The following MUC12 variants were observed in gnomAD, a reference collection of about 807,000 sequenced individuals.
The protein encoded by MUC12 is mucin-12.
Under a neutral mutation model 230.8 loss-of-function variants are expected in MUC12, and 172 were observed. That is an observed-to-expected ratio of 0.75 (90% confidence interval 0.66 to 0.85). The LOEUF is 0.85. Among genes scored for constraint, MUC12 ranks in the 40% least tolerant of loss-of-function variants. The probability of loss-of-function intolerance (pLI) is 0.00; values close to 1 mark genes in which losing one functional copy is unlikely to be tolerated. For missense variants in MUC12, 3,506 were observed against 5,920.6 expected, an observed-to-expected ratio of 0.59 and a Z score of 13.38; for synonymous variants, 1,259 against 2,401.9, an observed-to-expected ratio of 0.52 and a Z score of 13.91.
In MUC12 at chr7:100,969,617, C is replaced by G. The variant is rs73168327; in HGVS notation, c.-6C>G. Reference sequence around the variant, plus strand: ...GATGGGCAGCCAGGGGCCCGTTCCCCGGGAGATGCTGGTGATCTGGATTCT... The same window carrying G: ...GATGGGCAGCCAGGGGCCCGTTCCCGGGGAGATGCTGGTGATCTGGATTCT... On this transcript the variant is annotated 5_prime_UTR_variant, in exon 1 of 12. Coordinates refer to ENST00000536621, the MANE Select transcript of MUC12 (RefSeq NM_001164462.2). 1.3e-6 allele frequency: 2 copies of G among 1,536,376 alleles called. No homozygotes were observed. The highest frequency in any genetic ancestry group is 4.9e-5 in the East Asian group (2 of 40,922).
chr7:100,973,963 G>A (rs1437064558), intron 1 of MUC12, among the ~76,000 whole-genome samples: 1 of 151,920 alleles, frequency 6.6e-6, no homozygotes, highest in Non-Finnish European at 1.5e-5. Flanking sequence ...GACCAGCTCG[G>A]GCAACATAGG....
intron 1 of MUC12, chr7:100,972,848 G>T: frequency 2.8e-6 from 2 of 702,484 alleles, no homozygotes. Context: ...ACGCTTTTCT[G>T]GGTACTCCAG....
Position 100,991,043 on chromosome 7 carries a change from C to A in MUC12, c.480C>A (p.Gly160=), listed in dbSNP as rs757256392. Residue 160 remains glycine, a synonymous_variant, in exon 2 of 12, where the codon GGC becomes GGA. Transcript: ENST00000536621. ...TLSPARTTSS[G]VSEKSTTSHS... The stretch of plus-strand genomic sequence containing the variant: ...CACCTGCCCGCACGACAAGCTCAGG[C>A]GTCAGTGAAAAATCAACCACCTCCC... 6.5e-7 allele frequency: 1 copy of A among 1,537,700 alleles called. No individual in the cohort carries two copies. The highest frequency in any genetic ancestry group is 2.4e-5 in the East Asian group (1 of 40,918).
intron 2 of MUC12, among the ~76,000 whole-genome samples, chr7:101,006,025 T>C (rs1478919637): frequency 1.3e-5 from 2 of 152,152 alleles, no homozygotes; most frequent in African/African-American, 4.8e-5. Context: ...CTCAAACTCC[T>C]GACCTCAAGT....
chr7:100,976,755 TA>T (rs1350524260), intron 1 of MUC12, among the ~76,000 whole-genome samples: 1 of 150,296 alleles, frequency 6.7e-6, no homozygotes, highest in African/African-American at 2.4e-5. Flanking sequence ...ACAGAGATGA[TA>T]AATAATTTGC....
intron 6 of MUC12, 26 bp from the exon 7 acceptor site, chr7:101,012,793 T>A (rs1202624935): frequency 1.3e-6 from 2 of 1,535,254 alleles, no homozygotes; most frequent in Non-Finnish European, 1.7e-6. Context: ...TTCTATTCCA[T>A]CTTCCTTCCC....
chr7:100,980,074 C>T (rs1003066358), intron 1 of MUC12, among the ~76,000 whole-genome samples: 18 of 151,284 alleles, frequency 1.2e-4, no homozygotes, highest in Non-Finnish European at 1.3e-4. Context: ...AGATGAGTCT[C>T]GCTCTGTTGC....
chr7:100,981,157 C>A (rs1793098890), intron 1 of MUC12, among the ~76,000 whole-genome samples: 1 of 152,122 alleles, frequency 6.6e-6, no homozygotes, highest in African/African-American at 2.4e-5. Context: ...TTCTCTTGGG[C>A]TTGTTGGCTA....
rs754166477 is a variant in MUC12 at position 100,993,037 on chromosome 7, C to T, written c.2474C>T (p.Thr825Ile). Residue 825 changes from threonine (T) to isoleucine (I), a missense_variant, in exon 2 of 12, where the codon ACT (threonine) becomes ATT (isoleucine). By Grantham distance (89) the Thr-to-Ile change is moderately conservative (BLOSUM62 -1). Coordinates refer to ENST00000536621, the MANE Select transcript of MUC12 (RefSeq NM_001164462.2). ...TTPGLSERST[T>I]FHSSPRSPAT... is the part of the protein sequence containing the mutation. ...CCAGGCCTCAGTGAGAGATCTACCA[C>T]TTTCCATAGTAGCCCCAGATCACCA... 1.3e-5 allele frequency: 20 copies of T among 1,536,672 alleles called. No individual in the cohort carries two copies. Among genetic ancestry groups the T allele is most frequent in the South Asian group, 2.4e-5 (2 of 84,046 alleles).
chr7:100,985,314 T>C (rs1793171889), intron 1 of MUC12, among the ~76,000 whole-genome samples: 1 of 152,192 alleles, frequency 6.6e-6, no homozygotes, highest in African/African-American at 2.4e-5. Context: ...GCTGAGCCAG[T>C]TTGTCCATCT....
intron 3 of MUC12, among the ~76,000 whole-genome samples, chr7:101,007,058 A>T (rs1793764948): frequency 6.6e-6 from 1 of 152,148 alleles, no homozygotes; most frequent in South Asian, 2.1e-4. Flanking sequence ...TCCTGGGTTC[A>T]GGTGATTCTC....
Position 101,018,909 on chromosome 7 carries a change from T to G in MUC12, c.*273T>G. ...GTGGCTCCCCACTCTGGAATTTCCC[T>G]ACCAATAAAAGCAAATCTGAAAGCT... On this transcript the variant is annotated 3_prime_UTR_variant, in exon 12 of 12. Coordinates refer to ENST00000536621, the MANE Select transcript of MUC12 (RefSeq NM_001164462.2). The G allele has an allele frequency of 2.3e-6, 1 of 426,280 alleles. No homozygotes were observed. Among genetic ancestry groups the G allele is most frequent in the Non-Finnish European group, 4.1e-6 (1 of 243,064 alleles). 26.4% of individuals were successfully genotyped at this position (426,280 alleles called of 1,614,324 possible).
chr7:101,017,361 T>G, intron 10 of MUC12: 1 of 539,186 alleles, frequency 1.9e-6, no homozygotes, highest in South Asian at 2.3e-5. Context: ...TCTGCTCCGC[T>G]CCCTCCTGTT....
rs775077970 is a variant in MUC12, at chr7:100,991,663, C to A, written c.1100C>A (p.Ser367Ter). 5.9e-6 allele frequency: 9 copies of A among 1,537,528 alleles called. No homozygotes were observed. The Middle Eastern group carries it at 6.7e-4, about 114-fold the overall frequency. ...ESTAYHRSPG[S>*]TQTMHFPESS... Reference sequence around the variant, plus strand: ...ACAGCCTACCACAGGAGCCCGGGCTCAACTCAAACAATGCACTTCCCTGAA... The same window carrying A: ...ACAGCCTACCACAGGAGCCCGGGCTAAACTCAAACAATGCACTTCCCTGAA... The change falls in exon 2 of 12, where the codon TCA becomes TAA. Residue 367 changes from serine (S) to a stop codon, truncating the protein, a stop_gained. Transcript: ENST00000536621. LOFTEE classifies it high-confidence loss of function.
chr7:101,005,355 G>C lies in MUC12; in HGVS notation c.14792G>C (p.Gly4931Ala). ...PARSTASDLV[G>A]EPTTFYISPS... is the part of the protein sequence containing the mutation. ...CGCTCCACAGCCTCAGACCTTGTTG[G>C]AGAACCTACAACTTTCTACATCAGC... Residue 4931 changes from glycine (G) to alanine (A), a missense_variant, in exon 2 of 12, where the codon GGA becomes GCA. Gly to Ala is a moderately conservative substitution (Grantham distance 60, BLOSUM62 0). Coordinates refer to ENST00000536621, the MANE Select transcript of MUC12 (RefSeq NM_001164462.2). 6.5e-7 allele frequency: 1 copy of C among 1,537,844 alleles called. No homozygotes were observed. Among genetic ancestry groups the C allele is most frequent in the East Asian group, 2.4e-5 (1 of 40,912 alleles).
chr7:100,989,121 G>A (rs77742150), intron 1 of MUC12, among the ~76,000 whole-genome samples: 18 of 115,124 alleles, frequency 1.6e-4, no homozygotes, highest in African/African-American at 6.2e-4. Context: ...TTTTTTTTGA[G>A]ACAGAGTCTC....
chr7:100,991,682 C>A lies in MUC12; in HGVS notation c.1119C>A (p.Phe373Leu). The change falls in exon 2 of 12, where the codon TTC (phenylalanine) becomes TTA (leucine). Residue 373 changes from phenylalanine (F) to leucine (L), a missense_variant. Physicochemically the swap from Phe to Leu is conservative, Grantham distance 22. Transcript: ENST00000536621. ...CGGGCTCAACTCAAACAATGCACTT[C>A]CCTGAAAGCTCCACAACTTCAGGCC... ...RSPGSTQTMH[F>L]PESSTTSGHS... is the part of the protein sequence containing the mutation. 6.5e-7 allele frequency: 1 copy of A among 1,537,686 alleles called. No homozygotes were observed. The highest frequency in any genetic ancestry group is 8.7e-7 in the Non-Finnish European group (1 of 1,146,840).
At position 100,991,099 on chromosome 7, in the gene MUC12, C is replaced by G; in HGVS notation, c.536C>G (p.Ala179Gly). The G allele has an allele frequency of 6.5e-7, 1 of 1,537,584 alleles. No homozygotes were observed. The highest frequency in any genetic ancestry group is 2.4e-5 in the East Asian group (1 of 40,912). ...HSRPGPTHTI[A>G]FPDSTTMPGV... ...CGACCAGGCCCAACGCACACAATAG[C>G]GTTCCCTGACAGTACCACCATGCCA... Residue 179 changes from alanine to glycine, a missense_variant, in exon 2 of 12, where the codon GCG becomes GGG. Coordinates refer to ENST00000536621, the MANE Select transcript of MUC12 (RefSeq NM_001164462.2).
Position 101,008,669 on chromosome 7 carries a change from A to T in MUC12, c.15094A>T (p.Thr5032Ser). ...AAAACTCAACGCCACTTTAGGTATG[A>T]CAGTGAAAGTGACTTACAGAAATTT... ...PEKLNATLGM[T>S]VKVTYRNFTE... The change falls in exon 4 of 12, where the codon ACA (threonine) becomes TCA (serine). Residue 5032 changes from threonine to serine, a missense_variant. Coordinates refer to ENST00000536621, the MANE Select transcript of MUC12 (RefSeq NM_001164462.2). The T allele has an allele frequency of 1.3e-6, 2 of 1,537,396 alleles. No individual in the cohort carries two copies. The highest frequency in any genetic ancestry group is 1.7e-6 in the Non-Finnish European group (2 of 1,146,950).
Sources: gnomAD v4.1 joint callset for allele counts (sites outside exome capture counted in the v4.1 genomes callset) on GRCh38, gnomAD v4.1.1 for gene constraint, MANE v1.5 for transcripts, NCBI Gene and HGNC (gene_info 2026-07-23, HGNC 2026-07-21) for gene names.